OR14I1: variants seen among roughly 807,000 people sequenced by gnomAD.
OR14I1 encodes the protein olfactory receptor 14I1.
For synonymous variants in OR14I1, 118 were observed against 71.1 expected (o/e 1.66, Z -3.32); for missense variants, 279 against 181.8 (o/e 1.53, Z -3.07).
the OR14I1 span, among the ~76,000 whole-genome samples, chr1:248,687,889 T>G: frequency 6.6e-6 from 1 of 152,260 alleles, no homozygotes; most frequent in Non-Finnish European, 1.5e-5. Flanking sequence ...AACAGAAACA[T>G]TACAAATTTT....
exon 1 of OR14I1, chr1:248,681,892 C>T (rs1380160708): frequency 1.3e-5 from 10 of 780,862 alleles, no homozygotes; most frequent in South Asian, 2.7e-5. Flanking sequence ...CTGATAGCAC[C>T]CTCCTGATGT....
At chr1:248,686,135 T>A (rs773563683), upstream of OR14I1, among the ~76,000 whole-genome samples, 1 of 152,226 alleles carries the variant, frequency 6.6e-6, no homozygotes, top group Non-Finnish European at 1.5e-5. Context: ...GAATTAAATA[T>A]GTATAAAGAT....
At chr1:248,693,780 TA>T in the OR14I1 span, among the ~76,000 whole-genome samples, 27,338 of 141,674 alleles carry the variant, frequency 0.19, 3,021 homozygotes, top group African/African-American at 0.33. Flanking sequence ...AAAGCTCATT[TA>T]AAAAAAAAAA....
upstream of OR14I1, among the ~76,000 whole-genome samples, chr1:248,686,780 A>G (rs1264395394): frequency 6.6e-6 from 1 of 151,342 alleles, no homozygotes; most frequent in African/African-American, 2.4e-5. Context: ...ATTAAATAAC[A>G]TGTAGCTTCT....
chr1:248,697,526 T>C, the OR14I1 span, among the ~76,000 whole-genome samples: 2 of 149,778 alleles, frequency 1.3e-5, no homozygotes, highest in East Asian at 1.9e-4. Flanking sequence ...AGCTCATGCC[T>C]GTAATCCCAG....
At chr1:248,684,227 A>G (rs1303909703), upstream of OR14I1, among the ~76,000 whole-genome samples, 3 of 152,274 alleles carry the variant, frequency 2.0e-5, no homozygotes, top group African/African-American at 7.2e-5. Flanking sequence ...ATAACAATTC[A>G]AAATGTGTTC....
At chr1:248,701,473 C>A in the OR14I1 span, among the ~76,000 whole-genome samples, 1 of 152,110 alleles carries the variant, frequency 6.6e-6, no homozygotes, top group African/African-American at 2.4e-5. Context: ...TAATAATAGG[C>A]AGAAGATTTT....
chr1:248,690,739 G>A, the OR14I1 span, among the ~76,000 whole-genome samples: 6 of 150,118 alleles, frequency 4.0e-5, no homozygotes, highest in African/African-American at 1.2e-4. Context: ...TATGAGGCCA[G>A]CATCACCCTG....
chr1:248,700,661 CAA>C, the OR14I1 span, among the ~76,000 whole-genome samples: 1 of 152,160 alleles, frequency 6.6e-6, no homozygotes, highest in Non-Finnish European at 1.5e-5. Context: ...AATTTTTAAA[CAA>C]GAGGCAAATG....
the OR14I1 span, among the ~76,000 whole-genome samples, chr1:248,692,384 C>T: frequency 6.6e-6 from 1 of 152,270 alleles, no homozygotes; most frequent in Non-Finnish European, 1.5e-5. Flanking sequence ...GCATTCCCAA[C>T]TGCATCCCCC....
the OR14I1 span, among the ~76,000 whole-genome samples, chr1:248,696,845 G>A: frequency 6.6e-6 from 1 of 152,070 alleles, no homozygotes; most frequent in Non-Finnish European, 1.5e-5. Flanking sequence ...ATAATGGCAG[G>A]GATTTTTATA....
chr1:248,680,446 T>C (rs1244259627), downstream of OR14I1, among the ~76,000 whole-genome samples: 2 of 152,088 alleles, frequency 1.3e-5, no homozygotes, highest in Non-Finnish European at 2.9e-5. Flanking sequence ...ACTAAGAATA[T>C]CAGTGTTTCC....
upstream of OR14I1, among the ~76,000 whole-genome samples, chr1:248,685,250 C>T (rs181642283): frequency 4.9e-4 from 75 of 152,082 alleles, 1 homozygote; most frequent in Middle Eastern, 7.0e-3. Context: ...CAGGTGATTA[C>T]ATTCTGCATA....
At chr1:248,683,852 G>C (rs1402366425), upstream of OR14I1, among the ~76,000 whole-genome samples, 1 of 152,170 alleles carries the variant, frequency 6.6e-6, no homozygotes, top group Non-Finnish European at 1.5e-5. Context: ...TGACCAACAT[G>C]CTGAAATCCC....
upstream of OR14I1, among the ~76,000 whole-genome samples, chr1:248,685,655 A>C (rs1032292264): frequency 6.6e-6 from 1 of 151,474 alleles, no homozygotes; most frequent in African/African-American, 2.4e-5. Context: ...TATAATTTAT[A>C]TATAGTTGTG....
At chr1:248,691,105 T>C in the OR14I1 span, among the ~76,000 whole-genome samples, 2 of 152,228 alleles carry the variant, frequency 1.3e-5, no homozygotes, top group South Asian at 2.1e-4. Context: ...GATATTTAGG[T>C]TGCTTCCAAA....
chr1:248,679,456 T>C (rs559973494), downstream of OR14I1, among the ~76,000 whole-genome samples: 39 of 152,050 alleles, frequency 2.6e-4, no homozygotes, highest in Non-Finnish European at 3.4e-4. Context: ...AGCTATATGC[T>C]ATATTATACT....
chr1:248,686,430 A>C (rs1661651395), upstream of OR14I1, among the ~76,000 whole-genome samples: 1 of 152,058 alleles, frequency 6.6e-6, no homozygotes, highest in African/African-American at 2.4e-5. Flanking sequence ...CCTTTATCCC[A>C]CTTATATCAA....
At chr1:248,689,468 C>A in the OR14I1 span, among the ~76,000 whole-genome samples, 2 of 152,180 alleles carry the variant, frequency 1.3e-5, no homozygotes, top group African/African-American at 2.4e-5. Flanking sequence ...CAACAAATTG[C>A]TCAAACAAAG....
Sources: gnomAD v4.1 joint callset for allele counts (sites outside exome capture counted in the v4.1 genomes callset) on GRCh38, gnomAD v4.1.1 for gene constraint, MANE v1.5 for transcripts, NCBI Gene and HGNC (gene_info 2026-07-23, HGNC 2026-07-21) for gene names.